The following PI16 variants were observed in gnomAD, a reference collection of about 807,000 sequenced individuals.
The protein encoded by PI16 is PSP94-binding protein.
PI16 carries 35 observed loss-of-function variants against 38.0 expected under a neutral mutation model. That is an observed-to-expected ratio of 0.92 (90% confidence interval 0.70 to 1.22). The LOEUF (loss-of-function observed/expected upper bound fraction) is 1.22, where lower values mean the gene tolerates loss of function less well. PI16 is among the 50% of genes most tolerant of loss of function. The pLI is 0.00. For synonymous variants in PI16, 275 were observed against 252.9 expected (o/e 1.09, Z -0.83); for missense variants, 572 against 593.8 (o/e 0.96, Z 0.38).
chr6:36,962,114 G>A lies in PI16; in HGVS notation c.592+140G>A. The A allele has an allele frequency of 3.1e-6, 2 of 635,996 alleles. No individual in the cohort carries two copies. The highest frequency in any genetic ancestry group is 5.6e-6 in the Non-Finnish European group (2 of 359,908). The allele number at this position is 635,996 out of a possible 1,614,324, so 39.4% of individuals were successfully genotyped here. A position where few individuals can be genotyped will look rare whatever the true frequency, so the allele number is the denominator to read the frequency against. ...TGGGATGCGACCACCGGGGGCCCCT[G>A]GCGGCTCCCTTAGCCCCCCACGCGC... On this transcript the variant is annotated intron_variant, in intron 4 of 6. Transcript: ENST00000373674. The surrounding 1 kb of genome is among the most constrained non-coding windows in gnomAD (Gnocchi z 4.1).
At chr6:36,952,037 A>G (rs114306750), upstream of PI16, among the ~76,000 whole-genome samples, 2,409 of 142,560 alleles carry the variant, frequency 0.017, 62 homozygotes, top group African/African-American at 0.056. Context: ...TCCGTCACCC[A>G]GGCTGGAATG....
Position 36,963,216 on chromosome 6 carries a change from T to C in PI16, c.874T>C (p.Leu292=), listed in dbSNP as rs141551770. 3.0e-5 allele frequency: 49 copies of C among 1,614,252 alleles called. No individual in the cohort carries two copies. The African/African-American group carries it at 3.2e-4, about 11-fold the overall frequency. ...PCVTTEVPSI[L]AAHSLPSLDE... ...CGTAACAACTGAGGTCCCTTCCATT[T>C]TGGCAGCTCACAGCCTGCCCTCCTT... Residue 292 remains leucine, a synonymous_variant, in exon 5 of 7, where the codon TTG becomes CTG. Coordinates refer to ENST00000373674, the MANE Select transcript of PI16 (RefSeq NM_153370.3).
chr6:36,963,648 G>T (rs1213742013), intron 5 of PI16, 36 bp downstream of exon 5: 19 of 1,596,930 alleles, frequency 1.2e-5, no homozygotes, highest in Non-Finnish European at 1.6e-5. Flanking sequence ...TTTCCTCCTG[G>T]CTCTGGAATG....
intron 1 of PI16, among the ~76,000 whole-genome samples, chr6:36,948,696 CTTACTGT>C (rs1763053866): frequency 7.6e-6 from 1 of 131,178 alleles, no homozygotes; most frequent in Non-Finnish European, 1.6e-5. Flanking sequence ...CCCTCCTTTC[CTTACTGT>C]CTCCCTTTCT....
At chr6:36,964,096 T>G in intron 6 of PI16, 134 bp downstream of exon 6, 18 of 1,072,462 alleles carry the variant, frequency 1.7e-5, no homozygotes, top group Middle Eastern at 2.4e-4. Context: ...TCTGGCCAGA[T>G]TCCAGGCCAG....
At chr6:36,955,199 G>C (rs1046567976) in intron 1 of PI16, among the ~76,000 whole-genome samples, 5 of 152,190 alleles carry the variant, frequency 3.3e-5, no homozygotes, top group Non-Finnish European at 7.4e-5. Flanking sequence ...AGGCTCAGAG[G>C]GATTTGTTGG....
chr6:36,956,425 G>A (rs1389456230), intron 1 of PI16, among the ~76,000 whole-genome samples: 4 of 152,204 alleles, frequency 2.6e-5, no homozygotes, highest in East Asian at 1.9e-4. Context: ...ACAGAGGTGC[G>A]CCTTGGAGTG....
intron 2 of PI16, among the ~76,000 whole-genome samples, chr6:36,961,164 GA>G (rs1763354906): frequency 6.6e-6 from 1 of 152,318 alleles, no homozygotes; most frequent in South Asian, 2.1e-4. Context: ...AAAAATTAAT[GA>G]GGGTATATCA....
chr6:36,955,542 G>A lies in PI16; in HGVS notation c.171+611G>A, dbSNP rs1763180914. Among the ~76,000 whole-genome samples the A allele has an allele frequency of 2.0e-5, 3 of 152,152 alleles. 1 individual carries two copies. Among genetic ancestry groups the A allele is most frequent in the Admixed American group, 1.3e-4 (2 of 15,282 alleles). On this transcript the variant is annotated intron_variant, in intron 1 of 6. Transcript: ENST00000373674. ...TCGAGGCAAGTCCTGTAACCTTGCC[G>A]ATCCCGTGTCTCATCTGTAAAAGGC... is the stretch of plus-strand genomic sequence containing the variant.
chr6:36,963,333 AG>A lies in PI16; in HGVS notation c.993del (p.Ser332AlafsTer12). On this transcript the variant is annotated frameshift_variant, in exon 5 of 7. Transcript: ENST00000373674. LOFTEE classifies it high-confidence loss of function. ...GACAGACAAAACAAAAGTGCCCTCT[AG>A]GAGCCCAGAGAACTCTCTGGACCCC... ...KVTDKTKVPS[R>X]SPENSLDPKM... The A allele has an allele frequency of 1.2e-6, 2 of 1,614,204 alleles. No individual in the cohort carries two copies. The highest frequency in any genetic ancestry group is 1.7e-6 in the Non-Finnish European group (2 of 1,180,022).
In PI16 at chr6:36,954,759, C is replaced by A. The variant is rs1160843834; in HGVS notation, c.-2C>A. 1.9e-6 allele frequency: 3 copies of A among 1,610,872 alleles called. No homozygotes were observed. The highest frequency in any genetic ancestry group is 2.5e-6 in the Non-Finnish European group (3 of 1,178,484). On this transcript the variant is annotated 5_prime_UTR_variant, in exon 1 of 7. Coordinates refer to ENST00000373674, the MANE Select transcript of PI16 (RefSeq NM_153370.3). ...CGGGAGAAGGAGAGACGGCTGGCCA[C>A]CATGCACGGCTCCTGCAGTTTCCTG...
At chr6:36,954,515 C>G (rs1409519810), upstream of PI16, 39 of 503,716 alleles carry the variant, frequency 7.7e-5, no homozygotes, top group South Asian at 1.4e-4. Flanking sequence ...GGAACTCACA[C>G]AGCTTTTGGC....
At chr6:36,953,952 C>G (rs148872613), upstream of PI16, among the ~76,000 whole-genome samples, 2 of 152,238 alleles carry the variant, frequency 1.3e-5, no homozygotes, top group Non-Finnish European at 2.9e-5. Context: ...CACATGCATT[C>G]AGAGAGGATA....
At chr6:36,952,865 T>C (rs913311825), upstream of PI16, among the ~76,000 whole-genome samples, 2 of 152,212 alleles carry the variant, frequency 1.3e-5, no homozygotes, top group Non-Finnish European at 2.9e-5. Context: ...AGGGATTGCA[T>C]TGAATCTGTA....
intron 2 of PI16, among the ~76,000 whole-genome samples, chr6:36,959,661 C>T (rs1763303713): frequency 6.6e-6 from 1 of 152,080 alleles, no homozygotes; most frequent in Non-Finnish European, 1.5e-5. Flanking sequence ...TCGCTTAAGG[C>T]CAGGAGTTGG....
chr6:36,963,399 G>C lies in PI16; in HGVS notation c.1057G>C (p.Ala353Pro), dbSNP rs550782025. The part of the protein sequence containing the change: ...LTGARELLPH[A>P]QEEAEAEAEL... ...AGGGGCAAGGGAACTCCTACCCCATGCCCAGGAGGAGGCTGAGGCTGAGGC... is the reference window on the plus strand; with the variant it reads ...AGGGGCAAGGGAACTCCTACCCCATCCCCAGGAGGAGGCTGAGGCTGAGGC... Residue 353 changes from alanine (A) to proline (P), a missense_variant, in exon 5 of 7, where the codon GCC becomes CCC. Coordinates refer to ENST00000373674, the MANE Select transcript of PI16 (RefSeq NM_153370.3). 9.9e-5 allele frequency: 160 copies of C among 1,614,164 alleles called. 5 individuals carry two copies. Among genetic ancestry groups the C allele is most frequent in the South Asian group, 9.4e-4 (86 of 91,082 alleles).
In PI16 at chr6:36,962,891, G is replaced by T. The variant is rs1763409694; in HGVS notation, c.593-44G>T. The T allele has an allele frequency of 6.6e-7, 1 of 1,522,960 alleles. No individual in the cohort carries two copies. The highest frequency in any genetic ancestry group is 1.9e-5 in the Admixed American group (1 of 51,912). 94.3% of individuals were successfully genotyped at this position (1,522,960 alleles called of 1,614,324 possible). ...TTTGCAGTGCCATGAGAGATGTGGG[G>T]TCCTGCTTGCAGCACTCATGCCCGT... On this transcript the variant is annotated intron_variant, in intron 4 of 6. Coordinates refer to ENST00000373674, the MANE Select transcript of PI16 (RefSeq NM_153370.3). The surrounding 1 kb of genome is among the most constrained non-coding windows in gnomAD (Gnocchi z 4.1).
chr6:36,950,620 C>G (rs930839877), upstream of PI16, among the ~76,000 whole-genome samples: 3 of 151,760 alleles, frequency 2.0e-5, no homozygotes, highest in Non-Finnish European at 4.4e-5. This position sits in a 1 kb window ranked among gnomAD's most constrained non-coding sequence, Gnocchi z 4.2. Flanking sequence ...CTCGGCTCAC[C>G]GCAACCTCCA....
At position 36,962,314 on chromosome 6, in the gene PI16, G is replaced by T. The variant is rs184247311; in HGVS notation, c.592+340G>T. On this transcript the variant is annotated intron_variant, in intron 4 of 6. Transcript: ENST00000373674. This position sits in a 1 kb window ranked among gnomAD's most constrained non-coding sequence, Gnocchi z 4.1. Reference sequence around the variant, plus strand: ...TGGGCGTGGTCAGAAGGCTTCAAACGGGCGAGGCCAGTCTTGCTGGGGGCG... The same window carrying T: ...TGGGCGTGGTCAGAAGGCTTCAAACTGGCGAGGCCAGTCTTGCTGGGGGCG... Among the ~76,000 whole-genome samples the T allele has an allele frequency of 6.8e-4, 103 of 152,290 alleles. No homozygotes were observed. The highest frequency in any genetic ancestry group is 6.6e-3 in the South Asian group (32 of 4,820).
Sources: gnomAD v4.1 joint callset for allele counts (sites outside exome capture counted in the v4.1 genomes callset) on GRCh38, gnomAD v4.1.1 for gene constraint, Gnocchi (gnomAD v3.1) non-coding constraint, MANE v1.5 for transcripts, NCBI Gene and HGNC (gene_info 2026-07-23, HGNC 2026-07-21) for gene names.